Variants in PLCB4 observed in about 807,000 individuals in gnomAD.
The protein encoded by PLCB4 is 1-phosphatidylinositol 4,5-bisphosphate phosphodiesterase beta-4.
A neutral mutation model predicts 178.8 loss-of-function variants in PLCB4; 77 were observed. The observed-to-expected ratio is 0.43, with a 90% CI of 0.36 to 0.52. The LOEUF (loss-of-function observed/expected upper bound fraction) is 0.52, where lower values mean the gene tolerates loss of function less well. PLCB4 is among the 20% of genes least tolerant of loss of function. PLCB4 has a pLI of 0.00. For synonymous variants in PLCB4, 496 were observed against 490.8 expected (o/e 1.01, Z -0.14); for missense variants, 1,024 against 1,453.4 (o/e 0.70, Z 4.80).
intron 2 of PLCB4, among the ~76,000 whole-genome samples, chr20:9,170,745 G>T (rs1028582284): frequency 1.3e-5 from 2 of 152,168 alleles, no homozygotes; most frequent in African/African-American, 4.8e-5. Context: ...AAGGTCTGGG[G>T]TTGATTTGGA....
intron 26 of PLCB4, 39 bp from the exon 27 acceptor site, chr20:9,421,258 A>G: frequency 6.5e-7 from 1 of 1,540,182 alleles, no homozygotes; most frequent in Non-Finnish European, 8.9e-7. Flanking sequence ...ATGCTTACAC[A>G]GAGCTTACTT....
chr20:9,362,696 T>A (rs2035448575), intron 7 of PLCB4, among the ~76,000 whole-genome samples, 200 bp from the exon 8 acceptor site: 1 of 152,212 alleles, frequency 6.6e-6, no homozygotes, highest in Non-Finnish European at 1.5e-5. Context: ...GGCACATTTG[T>A]CTTCATGGAA....
intron 2 of PLCB4, among the ~76,000 whole-genome samples, chr20:9,215,239 T>C (rs2093716826): frequency 1.3e-5 from 2 of 152,162 alleles, no homozygotes; most frequent in African/African-American, 4.8e-5. Context: ...TAACACATAA[T>C]CCCTGTCTTC....
chr20:9,363,717 G>T (rs2035537686), intron 8 of PLCB4, among the ~76,000 whole-genome samples: 1 of 152,204 alleles, frequency 6.6e-6, no homozygotes, highest in Admixed American at 6.5e-5. Flanking sequence ...ATCCGTGAAG[G>T]TGGGGGCCAT....
At chr20:9,478,183 C>T (rs1220241790) in intron 39 of PLCB4, among the ~76,000 whole-genome samples, 1 of 152,106 alleles carries the variant, frequency 6.6e-6, no homozygotes, top group African/African-American at 2.4e-5. Flanking sequence ...CAGACACTGC[C>T]CCCATCATAT....
intron 32 of PLCB4, among the ~76,000 whole-genome samples, chr20:9,450,638 G>GTTTTC (rs200111854): frequency 5.7e-5 from 8 of 139,598 alleles, no homozygotes; most frequent in African/African-American, 1.6e-4. Flanking sequence ...ACCTAACTCA[G>GTTTTC]TTTTCTTTTC....
chr20:9,338,334 G>C (rs2032751703), intron 6 of PLCB4, among the ~76,000 whole-genome samples: 1 of 151,976 alleles, frequency 6.6e-6, no homozygotes, highest in Non-Finnish European at 1.5e-5. Context: ...CATATTCCAG[G>C]TCCTCCAATA....
At position 9,069,135 on chromosome 20, in the gene PLCB4, G is replaced by A; in HGVS notation, c.-206G>A. 6.5e-6 allele frequency: 1 copy of A among 153,156 alleles called. No homozygotes were observed. Among genetic ancestry groups the A allele is most frequent in the Non-Finnish European group, 1.5e-5 (1 of 68,420 alleles). The allele number at this position is 153,156 out of a possible 1,614,324, so 9.5% of individuals were successfully genotyped here. A position where few individuals can be genotyped will look rare whatever the true frequency, so the allele number is the denominator to read the frequency against. Reference sequence around the variant, plus strand: ...CGCACACACGGGCGCGCACACACACGCGCGTACACACTGGGTCTCCAGGCA... The same window carrying A: ...CGCACACACGGGCGCGCACACACACACGCGTACACACTGGGTCTCCAGGCA... On this transcript the variant is annotated 5_prime_UTR_variant, in exon 1 of 40. Transcript: ENST00000378473.
chr20:9,112,563 TACTCTTTATTG>T (rs796839824), intron 2 of PLCB4, among the ~76,000 whole-genome samples: 33 of 152,178 alleles, frequency 2.2e-4, no homozygotes, highest in African/African-American at 7.5e-4. Flanking sequence ...CCAAATACCC[TACTCTTTATTG>T]ATTGTCTCAC....
chr20:9,297,156 C>T (rs75718544), intron 3 of PLCB4, among the ~76,000 whole-genome samples: 4,787 of 149,926 alleles, frequency 0.032, 129 homozygotes, highest in African/African-American at 0.067. Context: ...CTATAGCCCG[C>T]ACCCCCCCCC....
intron 1 of PLCB4, among the ~76,000 whole-genome samples, chr20:9,094,666 A>G (rs187908133): frequency 1.5e-4 from 23 of 152,304 alleles, no homozygotes; most frequent in Admixed American, 1.3e-3. Context: ...AGTGACCTCA[A>G]CTGGATTGTT....
At chr20:9,440,188 T>C (rs1318940137) in intron 30 of PLCB4, among the ~76,000 whole-genome samples, 2 of 152,324 alleles carry the variant, frequency 1.3e-5, no homozygotes, top group African/African-American at 2.4e-5. Context: ...GCTGAACATA[T>C]CATTAAGTCA....
At chr20:9,424,720 T>A (rs2040875509) in intron 28 of PLCB4, among the ~76,000 whole-genome samples, 1 of 152,174 alleles carries the variant, frequency 6.6e-6, no homozygotes, top group Admixed American at 6.5e-5. Context: ...ACTACCTCCC[T>A]CATAGCATTA....
At chr20:9,431,088 C>T (rs906339670) in intron 28 of PLCB4, among the ~76,000 whole-genome samples, 2 of 152,150 alleles carry the variant, frequency 1.3e-5, no homozygotes, top group African/African-American at 4.8e-5. Context: ...AGGCTAGAAG[C>T]CTGAGACTAA....
chr20:9,138,273 G>A (rs1434938776), intron 2 of PLCB4, among the ~76,000 whole-genome samples: 2 of 151,944 alleles, frequency 1.3e-5, no homozygotes, highest in African/African-American at 2.4e-5. Flanking sequence ...GGATAGAATG[G>A]TAATCTGATT....
At chr20:9,225,341 G>T (rs1480555946) in intron 3 of PLCB4, among the ~76,000 whole-genome samples, 1 of 152,126 alleles carries the variant, frequency 6.6e-6, no homozygotes, top group Non-Finnish European at 1.5e-5. Context: ...CTTAACAAAT[G>T]CTTAAGGCTT....
At chr20:9,353,287 T>C (rs1043448806) in intron 7 of PLCB4, among the ~76,000 whole-genome samples, 1 of 152,190 alleles carries the variant, frequency 6.6e-6, no homozygotes, top group Admixed American at 6.5e-5. Context: ...CAGGAAAGTC[T>C]TCACTGTCTT....
chr20:9,340,543 G>A (rs7272733), intron 7 of PLCB4, among the ~76,000 whole-genome samples: 3,042 of 152,216 alleles, frequency 0.02, 118 homozygotes, highest in African/African-American at 0.069. Context: ...TTATGCTATC[G>A]TTCAGGTCAC....
intron 2 of PLCB4, among the ~76,000 whole-genome samples, chr20:9,115,635 G>A (rs2146716643): frequency 7.5e-6 from 1 of 133,528 alleles, no homozygotes; most frequent in East Asian, 2.2e-4. Flanking sequence ...GTGTCCGTGT[G>A]TTCTCATTGT....
Sources: allele counts gnomAD v4.1 joint callset (sites outside exome capture counted in the v4.1 genomes callset), GRCh38; gene constraint gnomAD v4.1.1; transcripts MANE v1.5; gene names NCBI Gene and HGNC (gene_info 2026-07-23, HGNC 2026-07-21).